SLC31A1: variants seen among roughly 807,000 people sequenced by gnomAD.
SLC31A1 encodes solute carrier family 31 member 1.
In SLC31A1, 5 loss-of-function variants were observed where a neutral mutation model predicts 17.2. The ratio of observed to expected loss-of-function variants is 0.29; its 90% confidence interval spans 0.15 to 0.61. The LOEUF (loss-of-function observed/expected upper bound fraction) is 0.61, where lower values mean the gene tolerates loss of function less well. Ranked by LOEUF, SLC31A1 falls within the 20% of genes least tolerant of loss-of-function variation. The probability of loss-of-function intolerance (pLI) is 0.86; values close to 1 mark genes in which losing one functional copy is unlikely to be tolerated. For synonymous variants in SLC31A1, 76 were observed against 78.8 expected, an observed-to-expected ratio of 0.96 and a Z score of 0.19; for missense variants, 161 against 241.4, an observed-to-expected ratio of 0.67 and a Z score of 2.21.
intron 1 of SLC31A1, among the ~76,000 whole-genome samples, chr9:113,253,958 C>CATTTT (rs1831691046): frequency 9.1e-6 from 1 of 110,418 alleles, no homozygotes; most frequent in South Asian, 3.1e-4. Flanking sequence ...TACCCACAGT[C>CATTTT]TTTTTTTTTT....
At chr9:113,225,329 C>G (rs543095787) in intron 1 of SLC31A1, among the ~76,000 whole-genome samples, 1 of 152,150 alleles carries the variant, frequency 6.6e-6, no homozygotes, top group African/African-American at 2.4e-5. Context: ...TTGTCAAATA[C>G]CTTGAAGGTC....
At chr9:113,239,493 G>T (rs541151084) in intron 1 of SLC31A1, among the ~76,000 whole-genome samples, 1 of 152,080 alleles carries the variant, frequency 6.6e-6, no homozygotes, top group African/African-American at 2.4e-5. Context: ...CCTCAAAGAA[G>T]AACTTAAGCA....
chr9:113,261,544 GT>G lies in SLC31A1; in HGVS notation c.*1074del, dbSNP rs1239855127. 1.1e-4 allele frequency: 17 copies of G among 152,764 alleles called. No homozygotes were observed. The highest frequency in any genetic ancestry group is 2.2e-4 in the African/African-American group (9 of 41,568). The allele number at this position is 152,764 out of a possible 1,614,324, so 9.5% of individuals were successfully genotyped here. ...ATATTTTTAAATAAAACCATTCACA[GT>G]TTACTTTGTCTTGATACCTTGGTTT... On this transcript the variant is annotated 3_prime_UTR_variant, in exon 5 of 5. Transcript: ENST00000374212.
chr9:113,256,291 G>T lies in SLC31A1; in HGVS notation c.129+14G>T, dbSNP rs769263763. The T allele has an allele frequency of 6.2e-7, 1 of 1,613,924 alleles. No individual in the cohort carries two copies. Among genetic ancestry groups the T allele is most frequent in the Admixed American group, 1.7e-5 (1 of 59,992 alleles). On this transcript the variant is annotated intron_variant, in intron 2 of 4. Coordinates refer to ENST00000374212, the MANE Select transcript of SLC31A1 (RefSeq NM_001859.4). Reference sequence around the variant, plus strand: ...ATGATGATGATGGTGAGTGCCATAGGAGGGGCAATGCAGGCCCTTTCCCAC... The same window carrying T: ...ATGATGATGATGGTGAGTGCCATAGTAGGGGCAATGCAGGCCCTTTCCCAC...
At chr9:113,229,530 A>G (rs1234079274) in intron 1 of SLC31A1, among the ~76,000 whole-genome samples, 1 of 152,204 alleles carries the variant, frequency 6.6e-6, no homozygotes, top group Admixed American at 6.5e-5. Flanking sequence ...ATGATAACTC[A>G]TTTAATCAGT....
chr9:113,231,829 T>G (rs1187569221), intron 1 of SLC31A1, among the ~76,000 whole-genome samples: 2 of 152,220 alleles, frequency 1.3e-5, no homozygotes, highest in Non-Finnish European at 2.9e-5. Context: ...TAAAAACTTG[T>G]CTATGGGCCA....
Position 113,243,531 on chromosome 9 carries a change from C to T in SLC31A1, c.-35-12583C>T, listed in dbSNP as rs149157840. On this transcript the variant is annotated intron_variant, in intron 1 of 4. Coordinates refer to ENST00000374212, the MANE Select transcript of SLC31A1 (RefSeq NM_001859.4). ...ATGATAGAAGGGGATGACCTTCAAC[C>T]GATATCTGGAGATAAAGTGTTTCTT... Among the ~76,000 whole-genome samples the T allele has an allele frequency of 4.6e-3, 620 of 136,252 alleles. 5 individuals are homozygous for T. Among genetic ancestry groups the T allele is most frequent in the African/African-American group, 0.016 (574 of 36,006 alleles). The allele number at this position is 136,252 out of a possible 152,430, so 89.4% of individuals were successfully genotyped here.
rs1831268156 is a variant in SLC31A1 at position 113,221,552 on chromosome 9, G to T, written c.-162G>T. ...GGGCGGGAGGGGGCGGGAAATCCTC[G>T]GCCTCGGTGGCGGTGGTGGACACGT... On this transcript the variant is annotated 5_prime_UTR_variant, in exon 1 of 5. Coordinates refer to ENST00000374212, the MANE Select transcript of SLC31A1 (RefSeq NM_001859.4). 2 of 458,712 alleles carry T rather than the reference G, an allele frequency of 4.4e-6. No individual in the cohort carries two copies. The highest frequency in any genetic ancestry group is 8.1e-6 in the Non-Finnish European group (2 of 246,396). 28.4% of individuals were successfully genotyped at this position (458,712 alleles called of 1,614,324 possible).
At chr9:113,232,388 T>C (rs138052616) in intron 1 of SLC31A1, among the ~76,000 whole-genome samples, 42 of 152,232 alleles carry the variant, frequency 2.8e-4, no homozygotes, top group African/African-American at 9.4e-4. Flanking sequence ...CCAGAAACTT[T>C]AAAACATTTC....
chr9:113,241,290 A>T (rs1177605564), intron 1 of SLC31A1, among the ~76,000 whole-genome samples: 1 of 152,170 alleles, frequency 6.6e-6, no homozygotes, highest in African/African-American at 2.4e-5. Flanking sequence ...GAAGCAAATT[A>T]TAGCTTGAGA....
intron 1 of SLC31A1, among the ~76,000 whole-genome samples, chr9:113,229,973 C>T (rs1395431430): frequency 6.6e-6 from 1 of 152,112 alleles, no homozygotes; most frequent in African/African-American, 2.4e-5. Flanking sequence ...ATTATAAACT[C>T]AGAACAAAAG....
At chr9:113,257,946 T>C (rs193038873) in intron 3 of SLC31A1, among the ~76,000 whole-genome samples, 39 of 152,184 alleles carry the variant, frequency 2.6e-4, no homozygotes, top group African/African-American at 9.2e-4. Flanking sequence ...AATCATAGAG[T>C]TAATATGTCA....
Position 113,264,372 on chromosome 9 carries a change from T to C in SLC31A1, c.*3899T>C, listed in dbSNP as rs1409433832. ...GATATAATGCCTTAATTACTGGGTCTACAATTAATGTTGACTGTTTTAGAT... is the reference window on the plus strand; with the variant it reads ...GATATAATGCCTTAATTACTGGGTCCACAATTAATGTTGACTGTTTTAGAT... On this transcript the variant is annotated 3_prime_UTR_variant, in exon 5 of 5. Coordinates refer to ENST00000374212, the MANE Select transcript of SLC31A1 (RefSeq NM_001859.4). The C allele has an allele frequency of 6.6e-6, 1 of 152,464 alleles. No homozygotes were observed. The highest frequency in any genetic ancestry group is 1.5e-5 in the Non-Finnish European group (1 of 68,014). The allele number at this position is 152,464 out of a possible 1,614,324, so 9.4% of individuals were successfully genotyped here. A position where few individuals can be genotyped will look rare whatever the true frequency, so the allele number is the denominator to read the frequency against.
intron 1 of SLC31A1, among the ~76,000 whole-genome samples, chr9:113,252,414 G>C (rs996359372): frequency 3.9e-5 from 6 of 152,282 alleles, no homozygotes; most frequent in Admixed American, 2.0e-4. Context: ...TCCTGCCTCA[G>C]CCTCCCAAGT....
At position 113,258,887 on chromosome 9, in the gene SLC31A1, A is replaced by G; in HGVS notation, c.371+25A>G. The G allele has an allele frequency of 6.2e-7, 1 of 1,612,446 alleles. No homozygotes were observed. Among genetic ancestry groups the G allele is most frequent in the Non-Finnish European group, 8.5e-7 (1 of 1,178,408 alleles). On this transcript the variant is annotated intron_variant, in intron 4 of 4. Coordinates refer to ENST00000374212, the MANE Select transcript of SLC31A1 (RefSeq NM_001859.4). This position sits in a 1 kb window ranked among gnomAD's most constrained non-coding sequence, Gnocchi z 4.8. ...GGTAAGAACTGAACAGATCCAGATG[A>G]AGTCCTAAAGAACTCGATCAGTTAA...
chr9:113,248,161 A>C (rs1831603731), intron 1 of SLC31A1, among the ~76,000 whole-genome samples: 1 of 152,080 alleles, frequency 6.6e-6, no homozygotes, highest in Non-Finnish European at 1.5e-5. Flanking sequence ...TCTGCTAAAA[A>C]TACAACAAAA....
chr9:113,252,607 G>A lies in SLC31A1; in HGVS notation c.-35-3507G>A, dbSNP rs555326732. On this transcript the variant is annotated intron_variant, in intron 1 of 4. Transcript: ENST00000374212. ...CCAGCCTAGTCTTGCTTTTTTAACA[G>A]TCCTCTACATGTTATCTTATATCTC... Among the ~76,000 whole-genome samples, 35 of 152,268 alleles carry A rather than the reference G, an allele frequency of 2.3e-4. No individual in the cohort carries two copies. In the East Asian group the frequency reaches 6.6e-3, roughly 29 times the overall value.
intron 1 of SLC31A1, among the ~76,000 whole-genome samples, chr9:113,253,650 G>A (rs189009950): frequency 3.3e-4 from 50 of 150,596 alleles, no homozygotes; most frequent in Non-Finnish European, 5.5e-4. Flanking sequence ...CGCCTCCCAG[G>A]TTTGAGCAAT....
intron 2 of SLC31A1, 160 bp downstream of exon 2, chr9:113,256,437 A>G: frequency 4.2e-6 from 3 of 721,702 alleles, no homozygotes; most frequent in Non-Finnish European, 4.4e-6. Flanking sequence ...GCTCCAGATT[A>G]TGTGGCAAGC....
Sources: gnomAD v4.1 joint callset for allele counts (sites outside exome capture counted in the v4.1 genomes callset) on GRCh38, gnomAD v4.1.1 for gene constraint, Gnocchi (gnomAD v3.1) non-coding constraint, MANE v1.5 for transcripts, NCBI Gene and HGNC (gene_info 2026-07-23, HGNC 2026-07-21) for gene names.